Variants in RAB2A observed in about 807,000 individuals in gnomAD.
The protein encoded by RAB2A is ras-related protein Rab-2A.
Under a neutral mutation model 32.5 loss-of-function variants are expected in RAB2A, and 7 were observed. The ratio of observed to expected loss-of-function variants is 0.22; its 90% CI spans 0.12 to 0.40. The LOEUF is 0.40. Among genes scored for constraint, RAB2A ranks in the 10% least tolerant of loss-of-function variants. The pLI, the probability that RAB2A is intolerant of heterozygous loss-of-function variation, is 1.00. For synonymous variants in RAB2A, 79 were observed against 85.2 expected (o/e 0.93, Z 0.40); for missense variants, 108 against 260.7 (o/e 0.41, Z 4.03).
At chr8:60,611,696 CT>C (rs1233662995) in intron 6 of RAB2A, among the ~76,000 whole-genome samples, 2 of 152,084 alleles carry the variant, frequency 1.3e-5, no homozygotes, top group Admixed American at 1.3e-4. Context: ...ACAGGAAATT[CT>C]TTTTTTAATT....
At chr8:60,605,953 A>G (rs1804224193) in intron 6 of RAB2A, among the ~76,000 whole-genome samples, 1 of 151,848 alleles carries the variant, frequency 6.6e-6, no homozygotes, top group South Asian at 2.1e-4. Context: ...GTTCGAGACC[A>G]GCTTGACCAA....
Position 60,587,265 on chromosome 8 carries a change from G to A in RAB2A, c.362+2450G>A, listed in dbSNP as rs117350476. Among the ~76,000 whole-genome samples, 84 of 151,996 alleles carry A rather than the reference G, an allele frequency of 5.5e-4. No homozygotes were observed. The East Asian group carries it at 9.9e-3, about 18-fold the overall frequency. On this transcript the variant is annotated intron_variant, in intron 5 of 7. Coordinates refer to ENST00000262646, the MANE Select transcript of RAB2A (RefSeq NM_002865.3). ...GAGATGCTAATTTAGTTGAAGAAGGGGTAATCTTTTTCATCAAATGGTGCT... is the reference window on the plus strand; with the variant it reads ...GAGATGCTAATTTAGTTGAAGAAGGAGTAATCTTTTTCATCAAATGGTGCT...
chr8:60,602,806 C>G (rs603963), intron 6 of RAB2A, among the ~76,000 whole-genome samples: 2 of 152,174 alleles, frequency 1.3e-5, no homozygotes, highest in African/African-American at 2.4e-5. Context: ...GTTCTAAGTG[C>G]TATGCCTTAT....
rs552191135 is a variant in RAB2A, at chr8:60,598,460, A to G, written c.474+6491A>G. Among the ~76,000 whole-genome samples, 88 of 152,334 alleles carry G rather than the reference A, an allele frequency of 5.8e-4. 1 individual carries two copies. The highest frequency in any genetic ancestry group is 1.0e-3 in the Non-Finnish European group (70 of 68,038). On this transcript the variant is annotated intron_variant, in intron 6 of 7. Coordinates refer to ENST00000262646, the MANE Select transcript of RAB2A (RefSeq NM_002865.3). Reference sequence around the variant, plus strand: ...ACAAAAAAAGGAAAAGTACAAACCAATAGCCTTTATAAATATATAAGCAAA... The same window carrying G: ...ACAAAAAAAGGAAAAGTACAAACCAGTAGCCTTTATAAATATATAAGCAAA...
chr8:60,614,931 G>C (rs1465830515), intron 6 of RAB2A, among the ~76,000 whole-genome samples: 1 of 152,206 alleles, frequency 6.6e-6, no homozygotes, highest in Non-Finnish European at 1.5e-5. Context: ...GGGGAAGCAG[G>C]AGGACCACCA....
At chr8:60,584,531 G>A (rs1377254101) in intron 4 of RAB2A, among the ~76,000 whole-genome samples, 192 bp from the exon 5 acceptor site, 1 of 152,162 alleles carries the variant, frequency 6.6e-6, no homozygotes, top group Non-Finnish European at 1.5e-5. Flanking sequence ...ATTTTCTAAA[G>A]TGTGATTACA....
rs367660654 is a variant in RAB2A at position 60,620,796 on chromosome 8, A to G, written c.*27A>G. Reference sequence around the variant, plus strand: ...TCTGTTTTTACTGTCTAGCTGCCCAACGGGGCCTACTCACTTATTCTTTCA... The same window carrying G: ...TCTGTTTTTACTGTCTAGCTGCCCAGCGGGGCCTACTCACTTATTCTTTCA... On this transcript the variant is annotated 3_prime_UTR_variant, in exon 8 of 8. Transcript: ENST00000262646. The G allele has an allele frequency of 4.4e-6, 7 of 1,591,722 alleles. No homozygotes were observed. The highest frequency in any genetic ancestry group is 3.4e-5 in the South Asian group (3 of 88,596).
At chr8:60,566,507 A>T (rs1808115966) in intron 2 of RAB2A, among the ~76,000 whole-genome samples, 1 of 152,024 alleles carries the variant, frequency 6.6e-6, no homozygotes, top group Non-Finnish European at 1.5e-5. Flanking sequence ...GTGGCTTCCT[A>T]GCCTTGCTGT....
chr8:60,543,855 G>A (rs1018678773), intron 1 of RAB2A, among the ~76,000 whole-genome samples: 3 of 152,002 alleles, frequency 2.0e-5, no homozygotes, highest in Admixed American at 6.5e-5. Context: ...TCAGGAGTTC[G>A]GTTCAAGACC....
At chr8:60,593,173 G>A (rs2130854865) in intron 6 of RAB2A, among the ~76,000 whole-genome samples, 1 of 152,270 alleles carries the variant, frequency 6.6e-6, no homozygotes, top group South Asian at 2.1e-4. Flanking sequence ...CTTGACAAAG[G>A]AGATACATTC....
chr8:60,548,780 A>G (rs1329513457), intron 1 of RAB2A, among the ~76,000 whole-genome samples: 1 of 109,736 alleles, frequency 9.1e-6, no homozygotes, highest in African/African-American at 3.9e-5. Flanking sequence ...TGATCCCCCC[A>G]CCTCCCTCCC....
At chr8:60,598,697 C>G (rs1282136141) in intron 6 of RAB2A, among the ~76,000 whole-genome samples, 1 of 151,510 alleles carries the variant, frequency 6.6e-6, no homozygotes, top group African/African-American at 2.4e-5. Flanking sequence ...GCAGAAAAAC[C>G]ATTTGACAGA....
chr8:60,558,186 A>G (rs1282690621), intron 1 of RAB2A, among the ~76,000 whole-genome samples: 1 of 152,228 alleles, frequency 6.6e-6, no homozygotes, highest in Non-Finnish European at 1.5e-5. Context: ...AGGATGAGGA[A>G]ATGTTTCTTA....
intron 7 of RAB2A, among the ~76,000 whole-genome samples, chr8:60,620,078 C>G (rs1804504742): frequency 6.6e-6 from 1 of 152,220 alleles, no homozygotes; most frequent in African/African-American, 2.4e-5. Flanking sequence ...ATTTCTGAAG[C>G]TACTGTATTA....
chr8:60,549,832 GT>G (rs980837854), intron 1 of RAB2A, among the ~76,000 whole-genome samples: 10 of 150,502 alleles, frequency 6.6e-5, no homozygotes, highest in African/African-American at 2.4e-4. Context: ...TCTAGAAGTT[GT>G]TTTTTGGTAA....
chr8:60,578,172 G>A (rs971508095), intron 3 of RAB2A, among the ~76,000 whole-genome samples: 2 of 152,054 alleles, frequency 1.3e-5, no homozygotes, highest in Admixed American at 6.5e-5. Context: ...TTGGCTCTTT[G>A]GGATCAATCC....
intron 1 of RAB2A, among the ~76,000 whole-genome samples, chr8:60,531,411 A>G (rs1442863940): frequency 6.6e-6 from 1 of 152,234 alleles, no homozygotes; most frequent in Non-Finnish European, 1.5e-5. Context: ...TGGAAAAACC[A>G]ATAGCAATGC....
intron 6 of RAB2A, among the ~76,000 whole-genome samples, chr8:60,599,769 A>T (rs1321936876): frequency 6.6e-6 from 1 of 152,170 alleles, no homozygotes; most frequent in Non-Finnish European, 1.5e-5. Context: ...AAAAACTAAC[A>T]CAAAATCCTG....
At chr8:60,575,723 T>TC (rs1201835504) in intron 3 of RAB2A, among the ~76,000 whole-genome samples, 15 of 146,862 alleles carry the variant, frequency 1.0e-4, no homozygotes, top group African/African-American at 3.7e-4. Context: ...AATGGTGCAA[T>TC]CTCAGCTCAC....
Sources: gnomAD v4.1 joint callset for allele counts (sites outside exome capture counted in the v4.1 genomes callset) on GRCh38, gnomAD v4.1.1 for gene constraint, MANE v1.5 for transcripts, NCBI Gene and HGNC (gene_info 2026-07-23, HGNC 2026-07-21) for gene names.